WDR70: variants seen among roughly 807,000 people sequenced by gnomAD.
WDR70 encodes WD repeat domain 70, also known as WD repeat-containing protein 70.
A neutral mutation model predicts 88.6 loss-of-function variants in WDR70; 53 were observed. The observed-to-expected ratio is 0.60, with a 90% confidence interval of 0.48 to 0.75. The LOEUF (loss-of-function observed/expected upper bound fraction) is 0.75, where lower values mean the gene tolerates loss of function less well. Ranked by LOEUF, WDR70 falls within the 30% of genes least tolerant of loss-of-function variation. WDR70 has a pLI of 0.00. For missense variants in WDR70, 610 were observed against 823.2 expected, an observed-to-expected ratio of 0.74 and a Z score of 3.17; for synonymous variants, 280 against 270.0, an observed-to-expected ratio of 1.04 and a Z score of -0.36.
In WDR70 at chr5:37,703,226, A is replaced by C. The variant is rs982332706; in HGVS notation, c.1416+139A>C. ...TAGCTGCTTTTCACTCTAGCGTAGG[A>C]GTTATCAGTATGTTGTGGATGGCTG... On this transcript the variant is annotated intron_variant, in intron 13 of 17. Coordinates refer to ENST00000265107, the MANE Select transcript of WDR70 (RefSeq NM_018034.4). The C allele has an allele frequency of 6.8e-6, 7 of 1,034,220 alleles. No individual in the cohort carries two copies. The African/African-American group carries it at 1.1e-4, about 16-fold the overall frequency. The allele number at this position is 1,034,220 out of a possible 1,614,324, so 64.1% of individuals were successfully genotyped here.
intron 9 of WDR70, among the ~76,000 whole-genome samples, chr5:37,565,424 G>A (rs968068733): frequency 6.6e-6 from 1 of 151,966 alleles, no homozygotes; most frequent in Admixed American, 6.5e-5. Context: ...GACTGCTTTT[G>A]TGTCATTAGT....
chr5:37,401,552 G>A (rs969603703), intron 5 of WDR70, among the ~76,000 whole-genome samples: 1 of 150,012 alleles, frequency 6.7e-6, no homozygotes, highest in Admixed American at 6.7e-5. Context: ...CCTGACCTCA[G>A]GTAATCCACC....
chr5:37,642,614 A>G (rs1181384967), intron 10 of WDR70, among the ~76,000 whole-genome samples: 2 of 152,144 alleles, frequency 1.3e-5, no homozygotes, highest in Non-Finnish European at 2.9e-5. Flanking sequence ...ATTCCCACCA[A>G]CAGTATATGA....
chr5:37,396,546 A>C lies in WDR70; in HGVS notation c.468A>C (p.Glu156Asp). 1 of 1,612,408 alleles carries C rather than the reference A, an allele frequency of 6.2e-7. No individual in the cohort carries two copies. Among genetic ancestry groups the C allele is most frequent in the South Asian group, 1.1e-5 (1 of 90,866 alleles). ...AAGAAGAAGAAGAAGCAGAGGAAGAAGAAGAGGAAGAGGAGGAAGAGGAAG... is the reference window on the plus strand; with the variant it reads ...AAGAAGAAGAAGAAGCAGAGGAAGACGAAGAGGAAGAGGAGGAAGAGGAAG... ...LNEEEEEAEEEEEEEEEEENP... is the reference protein window; with the variant it reads ...LNEEEEEAEEDEEEEEEEENP... The change falls in exon 5 of 18, where the codon GAA becomes GAC. Residue 156 changes from glutamate to aspartate, a missense_variant. Glu to Asp is a conservative substitution (Grantham distance 45, BLOSUM62 2). Transcript: ENST00000265107.
At chr5:37,537,896 G>A (rs540785768) in intron 9 of WDR70, among the ~76,000 whole-genome samples, 8 of 152,238 alleles carry the variant, frequency 5.3e-5, no homozygotes, top group South Asian at 4.1e-4. Context: ...ATCAGAATTC[G>A]TAGGTCTAAT....
intron 5 of WDR70, among the ~76,000 whole-genome samples, chr5:37,422,459 T>C (rs1749974385): frequency 6.6e-6 from 1 of 151,688 alleles, no homozygotes; most frequent in Admixed American, 6.6e-5. Flanking sequence ...GCCTGGCTAA[T>C]TTTTTTGTTT....
At position 37,703,981 on chromosome 5, in the gene WDR70, C is replaced by T. The variant is rs1017347731; in HGVS notation, c.1416+894C>T. On this transcript the variant is annotated intron_variant, in intron 13 of 17. Transcript: ENST00000265107. Reference sequence around the variant, plus strand: ...ATATTATGCACTTACGTGACTCAGACAATTGAACAACTGTTTTTAAATTAC... The same window carrying T: ...ATATTATGCACTTACGTGACTCAGATAATTGAACAACTGTTTTTAAATTAC... Among the ~76,000 whole-genome samples the T allele has an allele frequency of 1.3e-4, 20 of 152,254 alleles. No homozygotes were observed. In the East Asian group the frequency reaches 3.5e-3, roughly 26 times the overall value.
At chr5:37,588,173 G>A (rs1182347685) in intron 9 of WDR70, among the ~76,000 whole-genome samples, 4 of 151,972 alleles carry the variant, frequency 2.6e-5, no homozygotes, top group Non-Finnish European at 4.4e-5. Flanking sequence ...ATTTTAATTT[G>A]TCAAAGACTT....
chr5:37,449,607 A>AT (rs369203683), intron 7 of WDR70, among the ~76,000 whole-genome samples: 808 of 52,168 alleles, frequency 0.015, 10 homozygotes, highest in Middle Eastern at 0.049. Context: ...AAAAAAATAA[A>AT]AAATAAAAAA....
At chr5:37,640,581 T>G (rs1745078555) in intron 10 of WDR70, among the ~76,000 whole-genome samples, 1 of 152,222 alleles carries the variant, frequency 6.6e-6, no homozygotes, top group African/African-American at 2.4e-5. Context: ...GGTCATACTT[T>G]GGGTTTAAAC....
chr5:37,597,947 GT>G (rs1207559238), intron 9 of WDR70, among the ~76,000 whole-genome samples: 1 of 152,180 alleles, frequency 6.6e-6, no homozygotes, highest in East Asian at 1.9e-4. Flanking sequence ...ACAATTTTAA[GT>G]TTTACAACTA....
chr5:37,505,433 C>T (rs925070308), intron 8 of WDR70, among the ~76,000 whole-genome samples: 4 of 152,026 alleles, frequency 2.6e-5, no homozygotes, highest in African/African-American at 7.2e-5. Flanking sequence ...GTGGAACCCC[C>T]CTACCCCATT....
intron 17 of WDR70, among the ~76,000 whole-genome samples, chr5:37,746,637 AC>A (rs202235035): frequency 0.012 from 1,837 of 152,352 alleles, 19 homozygotes; most frequent in Middle Eastern, 0.068. Flanking sequence ...AATACTATGA[AC>A]ACCTCTGAGC....
intron 10 of WDR70, among the ~76,000 whole-genome samples, chr5:37,694,610 A>G (rs1197497923): frequency 6.6e-6 from 1 of 151,466 alleles, no homozygotes; most frequent in Non-Finnish European, 1.5e-5. Context: ...AAAACCAAAC[A>G]CTGCATGTTC....
At chr5:37,701,849 C>T (rs1747174491) in intron 12 of WDR70, among the ~76,000 whole-genome samples, 1 of 151,220 alleles carries the variant, frequency 6.6e-6, no homozygotes, top group Admixed American at 6.6e-5. Flanking sequence ...TATTACTGAG[C>T]ATTTATAGTA....
chr5:37,446,887 C>G (rs1738500266), intron 7 of WDR70, among the ~76,000 whole-genome samples: 1 of 152,162 alleles, frequency 6.6e-6, no homozygotes, highest in Non-Finnish European at 1.5e-5. Flanking sequence ...TGGGCAAGGA[C>G]TTCATGTCTA....
At position 37,726,911 on chromosome 5, in the gene WDR70, G is replaced by C. The variant is rs1747987269; in HGVS notation, c.1743G>C (p.Gly581=). 1 of 1,595,586 alleles carries C rather than the reference G, an allele frequency of 6.3e-7. No individual in the cohort carries two copies. Among genetic ancestry groups the C allele is most frequent in the Non-Finnish European group, 8.5e-7 (1 of 1,173,942 alleles). The change falls in exon 17 of 18, where the codon GGG becomes GGC. Residue 581 remains glycine (G), a synonymous_variant. Transcript: ENST00000265107. ...PGRGGRVGTH[G]GTLSSYIVKN... is the part of the protein sequence containing the mutation. ...GTGGTGGCCGAGTTGGAACCCACGG[G>C]GGCACTCTCTCTTCCTATATTGTGA...
chr5:37,420,893 C>T (rs968598132), intron 5 of WDR70, among the ~76,000 whole-genome samples: 3 of 152,124 alleles, frequency 2.0e-5, no homozygotes, highest in Admixed American at 1.3e-4. Flanking sequence ...GCCTGGGCAA[C>T]AGAGTAAGAC....
At chr5:37,634,482 C>T (rs999451371) in intron 10 of WDR70, among the ~76,000 whole-genome samples, 6 of 152,074 alleles carry the variant, frequency 3.9e-5, no homozygotes, top group Non-Finnish European at 5.9e-5. Context: ...CTAACCTTAC[C>T]TCTTTTGGTG....
Sources: allele counts gnomAD v4.1 joint callset (sites outside exome capture counted in the v4.1 genomes callset), GRCh38; gene constraint gnomAD v4.1.1; transcripts MANE v1.5; gene names NCBI Gene and HGNC (gene_info 2026-07-23, HGNC 2026-07-21).